The following SCN7A variants were observed in gnomAD, a reference collection of about 807,000 sequenced individuals.
SCN7A encodes the protein sodium voltage-gated channel alpha subunit 7.
Under a neutral mutation model 155.2 loss-of-function variants are expected in SCN7A, and 138 were observed. That is an observed-to-expected ratio of 0.89 (90% confidence interval 0.77 to 1.02). The LOEUF (loss-of-function observed/expected upper bound fraction) is 1.02. SCN7A is among the 50% of genes least tolerant of loss of function. The probability of loss-of-function intolerance (pLI) is 0.00; values close to 1 mark genes in which losing one functional copy is unlikely to be tolerated. For missense variants in SCN7A, 2,058 were observed against 1,986.6 expected (o/e 1.04, Z -0.68); for synonymous variants, 693 against 649.0 (o/e 1.07, Z -1.03).
In SCN7A at chr2:166,462,243, A is replaced by T. The variant is rs1575049383; in HGVS notation, c.1083+146T>A. On this transcript the variant is annotated intron_variant, in intron 10 of 25. Transcript: ENST00000643258. The stretch of plus-strand genomic sequence containing the variant: ...CAATGTGGCCAGCATATAATTTGAC[A>T]TTCAGTAATTCTAGTTCTCTTTTCT... The T allele has an allele frequency of 7.3e-6, 6 of 820,098 alleles. No homozygotes were observed. In the East Asian group the frequency reaches 1.6e-4, roughly 22 times the overall value. The allele number at this position is 820,098 out of a possible 1,614,324, so 50.8% of individuals were successfully genotyped here. A position where few individuals can be genotyped will look rare whatever the true frequency, so the allele number is the denominator to read the frequency against.
At chr2:166,416,501 C>A (rs1701380366) in intron 21 of SCN7A, among the ~76,000 whole-genome samples, 1 of 152,066 alleles carries the variant, frequency 6.6e-6, no homozygotes, top group African/African-American at 2.4e-5. Flanking sequence ...TCTCAGCTGG[C>A]CAACACTTAC....
intron 6 of SCN7A, among the ~76,000 whole-genome samples, chr2:166,470,970 T>G (rs1702641972): frequency 6.6e-6 from 1 of 151,906 alleles, no homozygotes; most frequent in African/African-American, 2.4e-5. Context: ...CATCAAATAT[T>G]CTATACTATG....
intron 20 of SCN7A, 58 bp downstream of exon 20, chr2:166,421,132 G>C: frequency 8.9e-7 from 1 of 1,119,428 alleles, no homozygotes; most frequent in Non-Finnish European, 1.3e-6. Flanking sequence ...CCCAATTTGT[G>C]CAAATTTAGT....
At position 166,427,914 on chromosome 2, in the gene SCN7A, T is replaced by G; in HGVS notation, c.2727A>C (p.Gln909His). Reference sequence around the variant, plus strand: ...TTCCTTTCTTGGATGCTCCACTGATTTGACCAAGTGAAGATCCGCGTCTGC... The same window carrying G: ...TTCCTTTCTTGGATGCTCCACTGATGTGACCAAGTGAAGATCCGCGTCTGC... ...NGCRRGSSLG[Q>H]ISGASKKGKI... is the part of the protein sequence containing the mutation. The change falls in exon 18 of 26, where the codon CAA becomes CAC. Residue 909 changes from glutamine to histidine, a missense_variant. Physicochemically the swap from Gln to His is conservative, Grantham distance 24 (BLOSUM62 0). Transcript: ENST00000643258. 3 of 1,612,910 alleles carry G rather than the reference T, an allele frequency of 1.9e-6. No individual in the cohort carries two copies. The highest frequency in any genetic ancestry group is 1.1e-5 in the South Asian group (1 of 91,036).
chr2:166,446,736 TGGAAACC>T (rs1702071883), intron 12 of SCN7A, among the ~76,000 whole-genome samples: 2 of 152,150 alleles, frequency 1.3e-5, no homozygotes, highest in Admixed American at 1.3e-4. Context: ...TGGATGAAGC[TGGAAACC>T]ATCATTCTCA....
intron 15 of SCN7A, among the ~76,000 whole-genome samples, chr2:166,439,545 T>G (rs796741300): frequency 1.2e-4 from 19 of 152,300 alleles, no homozygotes; most frequent in African/African-American, 4.3e-4. Context: ...TCCCATTTAA[T>G]CATTTGTGTC....
In SCN7A at chr2:166,443,783, T is replaced by C. The variant is rs1027974763; in HGVS notation, c.1627-107A>G. The C allele has an allele frequency of 5.3e-6, 4 of 759,252 alleles. No individual in the cohort carries two copies. In the African/African-American group the frequency reaches 5.3e-5, roughly 10 times the overall value. 47.0% of individuals were successfully genotyped at this position (759,252 alleles called of 1,614,324 possible). Reference sequence around the variant, plus strand: ...CACTGTTTACTTGTCACTCTCACATTCTTCACAGCTTCTCTGTCAATATCT... The same window carrying C: ...CACTGTTTACTTGTCACTCTCACATCCTTCACAGCTTCTCTGTCAATATCT... On this transcript the variant is annotated intron_variant, in intron 13 of 25. Transcript: ENST00000643258.
intron 11 of SCN7A, among the ~76,000 whole-genome samples, chr2:166,454,920 C>T (rs150486135): frequency 2.4e-4 from 37 of 152,156 alleles, no homozygotes; most frequent in Non-Finnish European, 4.3e-4. Context: ...AAAGTTTTTG[C>T]TATGAGGCTA....
At chr2:166,469,004 T>C (rs1302128802) in intron 7 of SCN7A, among the ~76,000 whole-genome samples, 4 of 151,240 alleles carry the variant, frequency 2.6e-5, no homozygotes, top group Admixed American at 2.0e-4. Context: ...TGTATTGTAG[T>C]TATTATTTAT....
At chr2:166,467,233 A>G (rs1702554106) in intron 7 of SCN7A, among the ~76,000 whole-genome samples, 1 of 151,866 alleles carries the variant, frequency 6.6e-6, no homozygotes, top group Non-Finnish European at 1.5e-5. Flanking sequence ...GAACTGGAAC[A>G]TTTTGAAATA....
chr2:166,430,947 A>G (rs1701720651), intron 16 of SCN7A, among the ~76,000 whole-genome samples: 1 of 152,018 alleles, frequency 6.6e-6, no homozygotes, highest in Non-Finnish European at 1.5e-5. Context: ...TAAATAAATG[A>G]ATACATCTTT....
chr2:166,466,462 G>A (rs751374360), intron 7 of SCN7A, among the ~76,000 whole-genome samples: 46 of 152,180 alleles, frequency 3.0e-4, no homozygotes, highest in Non-Finnish European at 5.6e-4. Context: ...TAACACAACT[G>A]TGGTCTATGT....
intron 18 of SCN7A, among the ~76,000 whole-genome samples, chr2:166,426,023 T>C (rs1014711558): frequency 2.0e-5 from 3 of 152,112 alleles, no homozygotes; most frequent in African/African-American, 7.2e-5. Flanking sequence ...GATGATATCA[T>C]GTTAATCAGA....
At chr2:166,482,142 C>G (rs1040638879) in intron 2 of SCN7A, among the ~76,000 whole-genome samples, 1 of 152,076 alleles carries the variant, frequency 6.6e-6, no homozygotes, top group African/African-American at 2.4e-5. Flanking sequence ...AAAAGTCTGA[C>G]TGAAATATTA....
intron 19 of SCN7A, 64 bp downstream of exon 19, chr2:166,423,194 GA>G (rs1701547634): frequency 1.5e-5 from 22 of 1,484,642 alleles, no homozygotes; most frequent in Non-Finnish European, 2.0e-5. Flanking sequence ...GACAGGAAGT[GA>G]AAGAGTAAGA....
At chr2:166,426,547 G>A (rs1391040256) in intron 18 of SCN7A, among the ~76,000 whole-genome samples, 1 of 152,114 alleles carries the variant, frequency 6.6e-6, no homozygotes, top group East Asian at 1.9e-4. Flanking sequence ...ATACCAGCAA[G>A]GATAATTGAC....
chr2:166,472,288 A>G (rs866373378), intron 6 of SCN7A, 29 bp downstream of exon 6: 11 of 1,562,610 alleles, frequency 7.0e-6, no homozygotes, highest in Middle Eastern at 3.4e-4. Flanking sequence ...CAAAACATTA[A>G]AATAGACTCA....
chr2:166,470,372 T>C (rs913722013), intron 7 of SCN7A, among the ~76,000 whole-genome samples: 4 of 151,870 alleles, frequency 2.6e-5, no homozygotes, highest in Non-Finnish European at 1.5e-5. Flanking sequence ...AATTAAAATA[T>C]ATTTCATTGA....
chr2:166,412,545 G>A lies in SCN7A; in HGVS notation c.3591C>T (p.Asn1197=), dbSNP rs1701224193. 3 of 1,478,190 alleles carry A rather than the reference G, an allele frequency of 2.0e-6. No individual in the cohort carries two copies. The Admixed American group carries it at 8.5e-5, about 42-fold the overall frequency. The allele number at this position is 1,478,190 out of a possible 1,614,324, so 91.6% of individuals were successfully genotyped here. ...MLITVIIDNF[N]KHKIKLGGSN... is the part of the protein sequence containing the mutation. ...TTATACTTATCTTTATTTTATGCTT[G>A]TTGAAATTATCAATAATAACAGTAA... Residue 1197 remains asparagine (N), a synonymous_variant, in exon 23 of 26, where the codon AAC becomes AAT. Coordinates refer to ENST00000643258, the MANE Select transcript of SCN7A (RefSeq NM_002976.4).
Sources: gnomAD v4.1 joint callset for allele counts (sites outside exome capture counted in the v4.1 genomes callset) on GRCh38, gnomAD v4.1.1 for gene constraint, MANE v1.5 for transcripts, NCBI Gene and HGNC (gene_info 2026-07-23, HGNC 2026-07-21) for gene names.